CDK14: variants seen among roughly 807,000 people sequenced by gnomAD.
CDK14 encodes cyclin-dependent kinase 14.
CDK14 carries 34 observed loss-of-function variants against 60.7 expected under a neutral mutation model. The observed-to-expected ratio is 0.56, with a 90% CI of 0.43 to 0.75. The LOEUF is 0.75. Ranked by LOEUF, CDK14 falls within the 30% of genes least tolerant of loss-of-function variation. The pLI is 0.00. For synonymous variants in CDK14, 197 were observed against 203.7 expected, an observed-to-expected ratio of 0.97 and a Z score of 0.28; for missense variants, 482 against 564.1, an observed-to-expected ratio of 0.85 and a Z score of 1.47.
chr7:90,611,782 T>C (rs1267219038), intron 2 of CDK14, among the ~76,000 whole-genome samples: 2 of 151,964 alleles, frequency 1.3e-5, no homozygotes, highest in African/African-American at 4.8e-5. Context: ...CCTTTCACGA[T>C]CTATCTCTTT....
rs564729987 is a variant in CDK14, at chr7:91,076,242, C to CAAAAAA, written c.1106-3161_1106-3156dup. 2.6e-3 allele frequency among the ~76,000 whole-genome samples: 74 copies of CAAAAAA among 28,796 alleles called. 11 individuals carry two copies. Among genetic ancestry groups the CAAAAAA allele is most frequent in the Non-Finnish European group, 3.8e-3 (55 of 14,458 alleles). The allele number at this position is 28,796 out of a possible 152,430, so 18.9% of individuals were successfully genotyped here. A position where few individuals can be genotyped will look rare whatever the true frequency, so the allele number is the denominator to read the frequency against. ...AACTATACTACAGTGCTACAGTAAC[C>CAAAAAA]AAAAAAAAAAAAAAAAAAAAAAAAA... On this transcript the variant is annotated intron_variant, in intron 11 of 14. Transcript: ENST00000380050.
At chr7:91,158,065 TATTATATACATTA>T (rs201838625) in intron 14 of CDK14, among the ~76,000 whole-genome samples, 51,188 of 146,254 alleles carry the variant, frequency 0.35, 10,747 homozygotes, top group Non-Finnish European at 0.49. Context: ...TAATATATTA[TATTATATACATTA>T]ATTATATACA....
intron 2 of CDK14, among the ~76,000 whole-genome samples, chr7:90,719,205 G>A (rs1315237680): frequency 2.0e-5 from 3 of 152,114 alleles, no homozygotes; most frequent in Non-Finnish European, 2.9e-5. Flanking sequence ...TATCAAAAGA[G>A]CATGACCTAG....
intron 2 of CDK14, among the ~76,000 whole-genome samples, chr7:90,647,459 G>A (rs533703781): frequency 6.6e-5 from 10 of 150,882 alleles, no homozygotes; most frequent in Non-Finnish European, 1.3e-4. Flanking sequence ...CTTTAAGTAC[G>A]TTAAAATGAT....
At chr7:91,013,017 T>C (rs947547477) in intron 10 of CDK14, among the ~76,000 whole-genome samples, 1 of 152,208 alleles carries the variant, frequency 6.6e-6, no homozygotes, top group Admixed American at 6.5e-5. Context: ...TTTTACCTTC[T>C]TCCAGCACTG....
At chr7:90,667,907 A>G (rs1317170919) in intron 2 of CDK14, among the ~76,000 whole-genome samples, 2 of 152,140 alleles carry the variant, frequency 1.3e-5, no homozygotes, top group Non-Finnish European at 2.9e-5. Flanking sequence ...CGTGGTAGGG[A>G]TAGATCACAT....
intron 10 of CDK14, among the ~76,000 whole-genome samples, chr7:90,990,574 C>T (rs535855728): frequency 3.3e-5 from 5 of 151,950 alleles, no homozygotes; most frequent in South Asian, 2.1e-4. Context: ...GTAAAAGAAA[C>T]GTATGAGAAA....
intron 10 of CDK14, among the ~76,000 whole-genome samples, chr7:91,024,363 A>C (rs1377664837): frequency 6.6e-6 from 1 of 152,102 alleles, no homozygotes; most frequent in Non-Finnish European, 1.5e-5. Context: ...CAAAATATTT[A>C]AGTTGGATGC....
chr7:90,934,791 C>A (rs1021769371), intron 8 of CDK14, among the ~76,000 whole-genome samples: 3 of 152,076 alleles, frequency 2.0e-5, no homozygotes, highest in Non-Finnish European at 4.4e-5. Context: ...ATACATACAC[C>A]AAATTTGTGG....
chr7:90,901,871 A>T (rs1792517818), intron 7 of CDK14, among the ~76,000 whole-genome samples: 1 of 151,890 alleles, frequency 6.6e-6, no homozygotes, highest in African/African-American at 2.4e-5. Flanking sequence ...AAATCTAAAG[A>T]CTCCACCAAA....
chr7:90,725,830 G>A (rs1320931140), intron 2 of CDK14, among the ~76,000 whole-genome samples: 1 of 152,128 alleles, frequency 6.6e-6, no homozygotes, highest in Non-Finnish European at 1.5e-5. Flanking sequence ...GGGTGGGGAA[G>A]GCTGGGTGAG....
At chr7:91,142,390 A>G (rs968488314) in intron 14 of CDK14, among the ~76,000 whole-genome samples, 2 of 152,184 alleles carry the variant, frequency 1.3e-5, no homozygotes, top group Admixed American at 6.5e-5. Context: ...AGCAATTGCT[A>G]TTTACCTTCA....
chr7:90,947,858 A>C (rs1794145697), intron 8 of CDK14, among the ~76,000 whole-genome samples: 1 of 152,172 alleles, frequency 6.6e-6, no homozygotes, highest in Non-Finnish European at 1.5e-5. Flanking sequence ...TGTATGTATA[A>C]TAAATTTTAT....
chr7:90,817,362 G>C (rs1466086555), intron 5 of CDK14, among the ~76,000 whole-genome samples: 1 of 152,076 alleles, frequency 6.6e-6, no homozygotes, highest in East Asian at 1.9e-4. Flanking sequence ...AACCTGAACA[G>C]GACCCAAGAA....
At chr7:90,938,750 AATAATTG>A (rs1793827694) in intron 8 of CDK14, among the ~76,000 whole-genome samples, 1 of 152,202 alleles carries the variant, frequency 6.6e-6, no homozygotes, top group African/African-American at 2.4e-5. Context: ...GTTTACAGAA[AATAATTG>A]ATATTATAAA....
Position 91,081,943 on chromosome 7 carries a change from G to A in CDK14, c.1154+2463G>A, listed in dbSNP as rs543464895. 5.9e-5 allele frequency among the ~76,000 whole-genome samples: 9 copies of A among 152,162 alleles called. No homozygotes were observed. In the South Asian group the frequency reaches 1.7e-3, roughly 28 times the overall value. ...CCTTTTATTCCCTCATACTAGAAGT[G>A]CATAATCCATGTGGGCTCTTCCTCC... On this transcript the variant is annotated intron_variant, in intron 12 of 14. Transcript: ENST00000380050.
At chr7:90,892,724 G>C (rs1425930764) in intron 6 of CDK14, among the ~76,000 whole-genome samples, 1 of 152,110 alleles carries the variant, frequency 6.6e-6, no homozygotes, top group African/African-American at 2.4e-5. Flanking sequence ...TAAATAACCA[G>C]ATAAATGCTA....
At chr7:90,910,659 T>C (rs1253088500) in intron 7 of CDK14, among the ~76,000 whole-genome samples, 3 of 152,226 alleles carry the variant, frequency 2.0e-5, no homozygotes, top group Non-Finnish European at 4.4e-5. Context: ...CTTGCCTTTT[T>C]GGATAGCAGC....
intron 12 of CDK14, among the ~76,000 whole-genome samples, chr7:91,099,405 T>A (rs1799095168): frequency 1.3e-5 from 2 of 152,294 alleles, no homozygotes; most frequent in African/African-American, 4.8e-5. Flanking sequence ...AAATGAGAGT[T>A]GTCTGTTTCA....
Sources: gnomAD v4.1 joint callset for allele counts (sites outside exome capture counted in the v4.1 genomes callset) on GRCh38, gnomAD v4.1.1 for gene constraint, MANE v1.5 for transcripts, NCBI Gene and HGNC (gene_info 2026-07-23, HGNC 2026-07-21) for gene names.